The following KCTD1 variants were observed in gnomAD, a reference collection of about 807,000 sequenced individuals.
KCTD1 encodes potassium channel tetramerization domain containing 1.
A neutral mutation model predicts 66.0 loss-of-function variants in KCTD1; 24 were observed. The ratio of observed to expected loss-of-function variants is 0.36; its 90% CI spans 0.26 to 0.51. The LOEUF (loss-of-function observed/expected upper bound fraction) is 0.51, where lower values mean the gene tolerates loss of function less well. KCTD1 is among the 20% of genes least tolerant of loss of function. The pLI, the probability that KCTD1 is intolerant of heterozygous loss-of-function variation, is 0.95. For missense variants in KCTD1, 943 were observed against 1,205.2 expected (o/e 0.78, Z 3.22); for synonymous variants, 511 against 517.2 (o/e 0.99, Z 0.16).
At chr18:26,484,435 T>C (rs1467281902) in intron 2 of KCTD1, among the ~76,000 whole-genome samples, 2 of 152,094 alleles carry the variant, frequency 1.3e-5, no homozygotes, top group Non-Finnish European at 2.9e-5. Context: ...AGAAAAAGTA[T>C]GAGTGCAATA....
rs1169150588 is a variant in KCTD1 at position 26,548,084 on chromosome 18, G to A, written c.453C>T (p.Asp151=). Residue 151 remains aspartate (D), a synonymous_variant, in exon 1 of 5, where the codon GAC becomes GAT. Coordinates refer to ENST00000580059, the MANE Select transcript of KCTD1 (RefSeq NM_001142730.3). ...APRARGGPPG[D]GSELDPDVLQ... The stretch of plus-strand genomic sequence containing the variant: ...GCACGTCGGGGTCCAGCTCGGAGCC[G>A]TCCCCGGGCGGCCCACCGCGGGCCC... 7.4e-7 allele frequency: 1 copy of A among 1,351,986 alleles called. No individual in the cohort carries two copies. The highest frequency in any genetic ancestry group is 9.4e-7 in the Non-Finnish European group (1 of 1,061,804). 83.7% of individuals were successfully genotyped at this position (1,351,986 alleles called of 1,614,324 possible).
At chr18:26,489,008 A>G (rs754702036) in intron 2 of KCTD1, among the ~76,000 whole-genome samples, 3 of 152,186 alleles carry the variant, frequency 2.0e-5, no homozygotes, top group Non-Finnish European at 4.4e-5. Context: ...ATATGAACGC[A>G]TGAAAAACAC....
At chr18:26,548,757 A>G (rs1985409639), upstream of KCTD1, 1 of 1,109,662 alleles carries the variant, frequency 9.0e-7, no homozygotes, top group South Asian at 4.6e-5. Context: ...GACCGGAGAG[A>G]TAGGGTAAAG....
intron 2 of KCTD1, among the ~76,000 whole-genome samples, chr18:26,493,040 T>C (rs546971939): frequency 2.6e-5 from 4 of 152,322 alleles, no homozygotes; most frequent in African/African-American, 7.2e-5. Flanking sequence ...AACTTTTGAA[T>C]GTCCACCCTG....
At chr18:26,569,711 G>A (rs751296795) in intron 1 of KCTD1, among the ~76,000 whole-genome samples, 41 of 152,144 alleles carry the variant, frequency 2.7e-4, no homozygotes, top group Non-Finnish European at 4.3e-4. Flanking sequence ...CTCACCTCGG[G>A]TTATGAAATA....
chr18:26,534,387 CTTGA>C (rs1167712813), intron 1 of KCTD1, among the ~76,000 whole-genome samples: 1 of 151,966 alleles, frequency 6.6e-6, no homozygotes, highest in Non-Finnish European at 1.5e-5. Context: ...TTATTTGTCT[CTTGA>C]TTATCATTAT....
chr18:26,483,843 G>A (rs1032502233), intron 2 of KCTD1, among the ~76,000 whole-genome samples: 1 of 152,150 alleles, frequency 6.6e-6, no homozygotes, highest in South Asian at 2.1e-4. Context: ...GGAAGGAGTC[G>A]TGGAGAGAGG....
At chr18:26,518,009 C>A (rs1318234863) in intron 1 of KCTD1, among the ~76,000 whole-genome samples, 1 of 152,168 alleles carries the variant, frequency 6.6e-6, no homozygotes, top group South Asian at 2.1e-4. Flanking sequence ...CTCAGAATCA[C>A]CCTAGGAAAT....
intron 1 of KCTD1, chr18:26,542,930 G>C (rs1269416317): frequency 6.6e-6 from 1 of 152,318 alleles, no homozygotes; most frequent in African/African-American, 2.4e-5. Flanking sequence ...TAAAGGTACA[G>C]ATTTCTTTCC....
chr18:26,517,880 C>T (rs1983735327), intron 1 of KCTD1, among the ~76,000 whole-genome samples: 1 of 152,248 alleles, frequency 6.6e-6, no homozygotes, highest in South Asian at 2.1e-4. Context: ...CGGCCAAACA[C>T]CTCTGTGGGG....
chr18:26,600,382 C>A, intron 1 of KCTD1: 1 of 1,020,734 alleles, frequency 9.8e-7, no homozygotes, highest in Non-Finnish European at 1.5e-6. Flanking sequence ...CTCCAGCCAA[C>A]TCCTGTCCCT....
chr18:26,565,868 T>C (rs1044032224), intron 1 of KCTD1: 3 of 152,180 alleles, frequency 2.0e-5, no homozygotes, highest in African/African-American at 7.2e-5. Flanking sequence ...TTATTTTTGT[T>C]ATTATTGTGG....
At chr18:26,471,066 C>G (rs1481845880) in intron 3 of KCTD1, among the ~76,000 whole-genome samples, 1 of 152,092 alleles carries the variant, frequency 6.6e-6, no homozygotes. Flanking sequence ...CTGCTCATTT[C>G]TGCTTGACCC....
At chr18:26,534,316 G>A (rs1275178885) in intron 1 of KCTD1, among the ~76,000 whole-genome samples, 2 of 152,022 alleles carry the variant, frequency 1.3e-5, no homozygotes, top group Non-Finnish European at 2.9e-5. Flanking sequence ...ATATTTTAGT[G>A]AGTCACATAG....
At chr18:26,566,243 A>G (rs917250422) in intron 1 of KCTD1, 5 of 152,184 alleles carry the variant, frequency 3.3e-5, no homozygotes, top group Non-Finnish European at 5.9e-5. Flanking sequence ...TGAAATTCCA[A>G]TTCTCCAGGT....
intron 1 of KCTD1, among the ~76,000 whole-genome samples, chr18:26,502,663 C>A (rs552810301): frequency 4.6e-5 from 7 of 151,522 alleles, no homozygotes; most frequent in African/African-American, 1.7e-4. Context: ...TTTAGAGTAT[C>A]TAACTGAAGA....
At chr18:26,611,597 T>A (rs1392541385) in intron 1 of KCTD1, among the ~76,000 whole-genome samples, 1 of 152,162 alleles carries the variant, frequency 6.6e-6, no homozygotes, top group Non-Finnish European at 1.5e-5. Context: ...GTGATCCGCC[T>A]GCCTTGGCCT....
chr18:26,478,623 G>A (rs1246769633), intron 2 of KCTD1, among the ~76,000 whole-genome samples: 2 of 152,130 alleles, frequency 1.3e-5, no homozygotes, highest in Non-Finnish European at 2.9e-5. Context: ...TTGGATGTAC[G>A]CTTGCACAGA....
intron 1 of KCTD1, among the ~76,000 whole-genome samples, chr18:26,584,668 G>A (rs371569717): frequency 4.6e-5 from 7 of 152,154 alleles, no homozygotes; most frequent in East Asian, 1.9e-4. Context: ...AGAGGAATAT[G>A]AGAAGTGCTG....
Sources: gnomAD v4.1 joint callset for allele counts (sites outside exome capture counted in the v4.1 genomes callset) on GRCh38, gnomAD v4.1.1 for gene constraint, MANE v1.5 for transcripts, NCBI Gene and HGNC (gene_info 2026-07-23, HGNC 2026-07-21) for gene names.